WDPCP: variants seen among roughly 807,000 people sequenced by gnomAD.
The protein encoded by WDPCP is WD repeat-containing and planar cell polarity effector protein fritz homolog.
In WDPCP, 71 loss-of-function variants were observed where a neutral mutation model predicts 93.1. The ratio of observed to expected loss-of-function variants is 0.76; its 90% CI spans 0.63 to 0.93. WDPCP has a LOEUF of 0.93. WDPCP is among the 40% of genes least tolerant of loss of function. The pLI, the probability that WDPCP is intolerant of heterozygous loss-of-function variation, is 0.00. For synonymous variants in WDPCP, 315 were observed against 315.0 expected (o/e 1.00, Z 0.00); for missense variants, 844 against 887.4 (o/e 0.95, Z 0.62).
At chr2:63,618,453 A>C (rs1470303428) in intron 3 of WDPCP, among the ~76,000 whole-genome samples, 1 of 152,180 alleles carries the variant, frequency 6.6e-6, no homozygotes, top group Non-Finnish European at 1.5e-5. Context: ...CCCAGGTGTT[A>C]AGCATTTTCT....
intron 14 of WDPCP, among the ~76,000 whole-genome samples, chr2:63,180,759 G>C (rs991254631): frequency 6.6e-6 from 1 of 152,024 alleles, no homozygotes; most frequent in African/African-American, 2.4e-5. Context: ...ATCTCCATAC[G>C]GTTTTCCATA....
chr2:63,682,775 G>A (rs1668738575), intron 2 of WDPCP, among the ~76,000 whole-genome samples: 1 of 151,696 alleles, frequency 6.6e-6, no homozygotes, highest in Non-Finnish European at 1.5e-5. Context: ...CAAGAGAAAA[G>A]AAACAAAAAA....
intron 17 of WDPCP, among the ~76,000 whole-genome samples, chr2:63,133,980 T>TG (rs1670454749): frequency 6.6e-6 from 1 of 152,220 alleles, no homozygotes; most frequent in Admixed American, 6.5e-5. Context: ...ATTTAGTCAC[T>TG]GTATAGTTGT....
rs1005783257 is a variant in WDPCP, at chr2:63,601,697, A to C, written n.488+48962T>G. On this transcript the variant is annotated intron_variant and non_coding_transcript_variant, in intron 3 of 4. Coordinates refer to the WDPCP transcript ENST00000467687. Reference sequence around the variant, plus strand: ...ATAGAAGGAGCAAGAGGAGGAGGGCAACAAGAACAAAGGAAGGCATGGGAG... The same window carrying C: ...ATAGAAGGAGCAAGAGGAGGAGGGCCACAAGAACAAAGGAAGGCATGGGAG... Among the ~76,000 whole-genome samples the C allele has an allele frequency of 5.3e-5, 8 of 152,328 alleles. No individual in the cohort carries two copies. In the Middle Eastern group the frequency reaches 0.01, roughly 194 times the overall value.
At chr2:63,489,139 A>G (rs775207720) in intron 2 of WDPCP, among the ~76,000 whole-genome samples, 1 of 152,158 alleles carries the variant, frequency 6.6e-6, no homozygotes, top group South Asian at 2.1e-4. Context: ...TGGGGTGAGA[A>G]GGGTATCTAT....
At chr2:63,839,604 T>C in the WDPCP span, among the ~76,000 whole-genome samples, 190 of 152,340 alleles carry the variant, frequency 1.2e-3, 1 homozygote, top group South Asian at 2.1e-3. Context: ...AATCTCTTCA[T>C]TGTCCTTCAT....
chr2:63,544,040 G>A (rs1412035978), intron 1 of WDPCP, among the ~76,000 whole-genome samples: 1 of 151,998 alleles, frequency 6.6e-6, no homozygotes, highest in Non-Finnish European at 1.5e-5. Context: ...CACAAGATAG[G>A]TCCCCATTTA....
At chr2:63,591,836 C>G (rs1047559605), upstream of WDPCP, among the ~76,000 whole-genome samples, 4 of 152,196 alleles carry the variant, frequency 2.6e-5, no homozygotes, top group Admixed American at 6.5e-5. Context: ...ATACTCACTA[C>G]GTACTGTTCT....
chr2:63,161,758 C>A (rs1277973509), intron 15 of WDPCP, among the ~76,000 whole-genome samples: 2 of 150,224 alleles, frequency 1.3e-5, no homozygotes, highest in Admixed American at 6.6e-5. Flanking sequence ...TTCATAAATT[C>A]ATTTTTTTCT....
chr2:63,837,087 G>C, the WDPCP span, among the ~76,000 whole-genome samples: 9 of 152,274 alleles, frequency 5.9e-5, no homozygotes, highest in East Asian at 1.5e-3. Flanking sequence ...CAAATGGAAG[G>C]ATATGTCATA....
At chr2:63,816,920 A>G (rs1471527324) in intron 1 of WDPCP, among the ~76,000 whole-genome samples, 2 of 152,236 alleles carry the variant, frequency 1.3e-5, no homozygotes, top group African/African-American at 4.8e-5. Flanking sequence ...AGAACAGGCT[A>G]AATTATTCTA....
intron 15 of WDPCP, among the ~76,000 whole-genome samples, chr2:63,162,000 C>G (rs1233041587): frequency 2.0e-5 from 3 of 152,096 alleles, no homozygotes; most frequent in African/African-American, 7.2e-5. Context: ...GAACTCCTGA[C>G]CTCAAGTGAT....
At chr2:63,557,492 A>G (rs1049313548) in intron 1 of WDPCP, among the ~76,000 whole-genome samples, 1 of 152,222 alleles carries the variant, frequency 6.6e-6, no homozygotes, top group Non-Finnish European at 1.5e-5. Context: ...CCAATACAGG[A>G]GCACCCAGAT....
At chr2:63,333,521 C>T (rs1688130430) in intron 12 of WDPCP, among the ~76,000 whole-genome samples, 1 of 152,138 alleles carries the variant, frequency 6.6e-6, no homozygotes, top group Admixed American at 6.5e-5. Flanking sequence ...TGAGAGCTTC[C>T]GCTACACAAT....
chr2:63,408,203 C>T (rs1162571396), intron 9 of WDPCP, among the ~76,000 whole-genome samples: 1 of 152,178 alleles, frequency 6.6e-6, no homozygotes, highest in Non-Finnish European at 1.5e-5. Flanking sequence ...GCCACAGACT[C>T]TCTGAAGGAA....
intron 13 of WDPCP, among the ~76,000 whole-genome samples, chr2:63,286,852 T>C (rs145147574): frequency 7.5e-4 from 115 of 152,368 alleles, no homozygotes; most frequent in African/African-American, 2.7e-3. Flanking sequence ...TATCAAGTTT[T>C]CTTTGTTGTG....
At chr2:63,328,590 T>C (rs1687745473) in intron 12 of WDPCP, among the ~76,000 whole-genome samples, 1 of 152,156 alleles carries the variant, frequency 6.6e-6, no homozygotes. Flanking sequence ...CTTTAAGAAC[T>C]GTAACACTCA....
intron 12 of WDPCP, among the ~76,000 whole-genome samples, chr2:63,321,322 G>C (rs1193384702): frequency 1.7e-5 from 1 of 59,526 alleles, no homozygotes; most frequent in Non-Finnish European, 2.8e-5. Context: ...TCTATTATCA[G>C]AGTATATATA....
At chr2:63,366,677 A>G (rs533125234) in intron 12 of WDPCP, among the ~76,000 whole-genome samples, 1 of 152,276 alleles carries the variant, frequency 6.6e-6, no homozygotes, top group East Asian at 1.9e-4. Context: ...CTCATATTCA[A>G]ACTTTCATGT....
Sources: gnomAD v4.1 joint callset for allele counts (sites outside exome capture counted in the v4.1 genomes callset) on GRCh38, gnomAD v4.1.1 for gene constraint, MANE v1.5 for transcripts, NCBI Gene and HGNC (gene_info 2026-07-23, HGNC 2026-07-21) for gene names.